GPR158: variants seen among roughly 807,000 people sequenced by gnomAD.
GPR158 encodes metabotropic glycine receptor.
Under a neutral mutation model 78.2 loss-of-function variants are expected in GPR158, and 30 were observed. The observed-to-expected ratio is 0.38, with a 90% CI of 0.29 to 0.52. The LOEUF (loss-of-function observed/expected upper bound fraction) is 0.52, where lower values mean the gene tolerates loss of function less well. GPR158 is among the 20% of genes least tolerant of loss of function. The pLI is 0.83. For synonymous variants in GPR158, 581 were observed against 591.1 expected (o/e 0.98, Z 0.25); for missense variants, 1,463 against 1,523.5 (o/e 0.96, Z 0.66).
chr10:25,313,078 A>G (rs942499667), intron 2 of GPR158, among the ~76,000 whole-genome samples: 8 of 151,794 alleles, frequency 5.3e-5, no homozygotes, highest in Non-Finnish European at 1.2e-4. Flanking sequence ...TTTCTTCTCT[A>G]TTTGCATTTA....
In GPR158 at chr10:25,394,218, C is replaced by T. The variant is rs754654315; in HGVS notation, c.1009-1693C>T. ...CCATTAGGCCATCATGGTGGCACTA[C>T]CTTTTTCAGACTATGTCTGTGTCTG... On this transcript the variant is annotated intron_variant, in intron 2 of 10. Transcript: ENST00000376351. Among the ~76,000 whole-genome samples, 114 of 152,164 alleles carry T rather than the reference C, an allele frequency of 7.5e-4. 1 individual carries two copies. The highest frequency in any genetic ancestry group is 1.3e-3 in the Admixed American group (20 of 15,270).
At chr10:25,250,067 C>A (rs890148136) in intron 2 of GPR158, among the ~76,000 whole-genome samples, 4 of 143,042 alleles carry the variant, frequency 2.8e-5, no homozygotes, top group African/African-American at 1.1e-4. Flanking sequence ...AGGAATTTAT[C>A]CGTTTCTTCT....
At chr10:25,561,790 A>G (rs569117777) in intron 6 of GPR158, among the ~76,000 whole-genome samples, 1 of 152,338 alleles carries the variant, frequency 6.6e-6, no homozygotes, top group South Asian at 2.1e-4. Context: ...ATGATATGTT[A>G]TCACATTTCC....
At chr10:25,564,185 CA>C (rs1226796835) in intron 6 of GPR158, among the ~76,000 whole-genome samples, 3 of 152,160 alleles carry the variant, frequency 2.0e-5, no homozygotes, top group Admixed American at 6.5e-5. Context: ...GAATTCTTTG[CA>C]GATGAACTGC....
intron 5 of GPR158, among the ~76,000 whole-genome samples, chr10:25,496,308 G>A (rs1008691869): frequency 6.6e-6 from 1 of 152,024 alleles, no homozygotes; most frequent in Admixed American, 6.6e-5. Flanking sequence ...ACTATACTAC[G>A]GGATCCTTTG....
At chr10:25,349,767 A>G (rs1175613069) in intron 2 of GPR158, among the ~76,000 whole-genome samples, 1 of 146,318 alleles carries the variant, frequency 6.8e-6, no homozygotes, top group Non-Finnish European at 1.5e-5. Flanking sequence ...GGATTAATTC[A>G]CCATGTAAGG....
intron 2 of GPR158, among the ~76,000 whole-genome samples, chr10:25,389,364 T>G (rs1760726): frequency 0.7 from 106,800 of 151,608 alleles, 38,590 homozygotes; most frequent in African/African-American, 0.77. Context: ...GGGACATCCA[T>G]TTGCAGAAAG....
intron 2 of GPR158, among the ~76,000 whole-genome samples, chr10:25,353,144 A>T (rs1052413223): frequency 6.6e-6 from 1 of 152,050 alleles, no homozygotes; most frequent in African/African-American, 2.4e-5. Flanking sequence ...TCTACAAATT[A>T]GGGGAAATAG....
intron 5 of GPR158, among the ~76,000 whole-genome samples, chr10:25,490,590 A>G (rs929245396): frequency 2.7e-5 from 4 of 148,710 alleles, no homozygotes; most frequent in African/African-American, 5.0e-5. Flanking sequence ...ATGATTTCCA[A>G]TTTCATCCAT....
Position 25,342,775 on chromosome 10 carries a change from C to CT in GPR158, c.1009-53121dup, listed in dbSNP as rs778192834. 3.4e-3 allele frequency among the ~76,000 whole-genome samples: 466 copies of CT among 138,170 alleles called. 1 individual carries two copies. The highest frequency in any genetic ancestry group is 3.8e-3 in the Middle Eastern group (1 of 264). The allele number at this position is 138,170 out of a possible 152,430, so 90.6% of individuals were successfully genotyped here. On this transcript the variant is annotated intron_variant, in intron 2 of 10. Transcript: ENST00000376351. ...ATAATGCAAAAATGAGGACTAAGTT[C>CT]TTTTTTTTTTTTTTTCTCAAATAAC...
chr10:25,569,623 T>C (rs1029604947), intron 6 of GPR158, among the ~76,000 whole-genome samples: 2 of 152,156 alleles, frequency 1.3e-5, no homozygotes, highest in Non-Finnish European at 2.9e-5. Flanking sequence ...CCCCCTACTG[T>C]CCCTACCTAA....
intron 8 of GPR158, among the ~76,000 whole-genome samples, chr10:25,592,903 CAAAAAA>C (rs113359370): frequency 1.6e-5 from 1 of 62,500 alleles, no homozygotes; most frequent in African/African-American, 5.1e-5. Flanking sequence ...TATTTCAATG[CAAAAAA>C]AAAAAAAAAA....
chr10:25,533,019 C>G (rs561188589), intron 5 of GPR158, among the ~76,000 whole-genome samples: 1 of 152,344 alleles, frequency 6.6e-6, no homozygotes, highest in African/African-American at 2.4e-5. Flanking sequence ...ATGGCTGTAA[C>G]TTTAATTACC....
intron 1 of GPR158, among the ~76,000 whole-genome samples, chr10:25,220,603 C>G (rs1052313666): frequency 5.3e-5 from 8 of 152,310 alleles, no homozygotes; most frequent in African/African-American, 1.9e-4. Context: ...TGCTTATTTT[C>G]TGATACTGTC....
chr10:25,373,682 C>T (rs2130554399), intron 2 of GPR158, among the ~76,000 whole-genome samples: 1 of 151,322 alleles, frequency 6.6e-6, no homozygotes, highest in South Asian at 2.1e-4. Context: ...GTTTTTTGAC[C>T]CAAGGTAATA....
chr10:25,434,890 C>T (rs746652655), intron 4 of GPR158, among the ~76,000 whole-genome samples: 5 of 152,238 alleles, frequency 3.3e-5, no homozygotes, highest in African/African-American at 9.6e-5. Context: ...GAATTTCATT[C>T]ATCAGACTAA....
chr10:25,355,522 C>T lies in GPR158; in HGVS notation c.1009-40389C>T, dbSNP rs543647830. Among the ~76,000 whole-genome samples the T allele has an allele frequency of 3.0e-3, 462 of 152,086 alleles. 2 individuals are homozygous for T. The highest frequency in any genetic ancestry group is 5.6e-3 in the Non-Finnish European group (381 of 67,978). ...ATATATCACCATCTTGTTACTGGCT[C>T]CTTTATCTGTTTGAGGAGGTCATGG... On this transcript the variant is annotated intron_variant, in intron 2 of 10. Coordinates refer to ENST00000376351, the MANE Select transcript of GPR158 (RefSeq NM_020752.3).
At chr10:25,316,818 A>G (rs1324253766) in intron 2 of GPR158, among the ~76,000 whole-genome samples, 1 of 152,034 alleles carries the variant, frequency 6.6e-6, no homozygotes, top group African/African-American at 2.4e-5. Flanking sequence ...CAGTTTGGGA[A>G]TCATTGGATT....
chr10:25,327,550 C>A (rs984555359), intron 2 of GPR158, among the ~76,000 whole-genome samples: 1 of 62,940 alleles, frequency 1.6e-5, no homozygotes, highest in Non-Finnish European at 3.7e-5. Flanking sequence ...TCAGCTCTCA[C>A]GTGAGATAAA....
Sources: allele counts gnomAD v4.1 joint callset (sites outside exome capture counted in the v4.1 genomes callset), GRCh38; gene constraint gnomAD v4.1.1; transcripts MANE v1.5; gene names NCBI Gene and HGNC (gene_info 2026-07-23, HGNC 2026-07-21).